GCNT1: variants seen among roughly 807,000 people sequenced by gnomAD.
The protein encoded by GCNT1 is beta-1,3-galactosyl-O-glycosyl-glycoprotein beta-1,6-N-acetylglucosaminyltransferase.
In GCNT1, 16 loss-of-function variants were observed where a neutral mutation model predicts 26.2. The ratio of observed to expected loss-of-function variants is 0.61; its 90% CI spans 0.41 to 0.93. The LOEUF (loss-of-function observed/expected upper bound fraction) is 0.93. Ranked by LOEUF, GCNT1 falls within the 40% of genes least tolerant of loss-of-function variation. The pLI, the probability that GCNT1 is intolerant of heterozygous loss-of-function variation, is 0.00. For synonymous variants in GCNT1, 183 were observed against 190.8 expected, an observed-to-expected ratio of 0.96 and a Z score of 0.34; for missense variants, 477 against 526.7, an observed-to-expected ratio of 0.91 and a Z score of 0.92.
chr9:76,439,275 A>G (rs1186640451), upstream of GCNT1, among the ~76,000 whole-genome samples: 2 of 126,252 alleles, frequency 1.6e-5, no homozygotes, highest in Non-Finnish European at 3.1e-5. Context: ...CCCAGGCTGG[A>G]GTGCAGTGGT....
In GCNT1 at chr9:76,505,236, C is replaced by T. The variant is rs1825206713; in HGVS notation, c.*1568C>T. ...GTTTTAAGGCATTCAACTGAGAAAA[C>T]TTTATTTGTCAAAGTCAGAAAACAT... is the stretch of plus-strand genomic sequence containing the variant. On this transcript the variant is annotated 3_prime_UTR_variant, in exon 4 of 4. Coordinates refer to ENST00000376730, the MANE Select transcript of GCNT1 (RefSeq NM_001490.5). The T allele has an allele frequency of 6.6e-6, 2 of 303,956 alleles. No individual in the cohort carries two copies. The highest frequency in any genetic ancestry group is 1.3e-5 in the Non-Finnish European group (2 of 157,742). 18.8% of individuals were successfully genotyped at this position (303,956 alleles called of 1,614,324 possible).
chr9:76,401,490 C>T, the GCNT1 span, among the ~76,000 whole-genome samples: 5 of 152,248 alleles, frequency 3.3e-5, no homozygotes, highest in East Asian at 9.6e-4. Flanking sequence ...AAATTTACTT[C>T]ATGTAGTACA....
At chr9:76,412,998 TTCTC>T in the GCNT1 span, among the ~76,000 whole-genome samples, 1 of 152,212 alleles carries the variant, frequency 6.6e-6, no homozygotes, top group Non-Finnish European at 1.5e-5. Flanking sequence ...GGGTTCCTCA[TTCTC>T]TCTCTTGCTC....
chr9:76,395,720 A>G, the GCNT1 span, among the ~76,000 whole-genome samples: 1 of 152,228 alleles, frequency 6.6e-6, no homozygotes, highest in Non-Finnish European at 1.5e-5. Flanking sequence ...TTACTTATCT[A>G]TACGGAATTA....
intron 2 of GCNT1, among the ~76,000 whole-genome samples, chr9:76,483,590 T>C (rs1469696493): frequency 1.3e-5 from 2 of 152,002 alleles, no homozygotes; most frequent in African/African-American, 4.8e-5. Flanking sequence ...AATTTTTAAA[T>C]TTTTCTTGTT....
At chr9:76,467,843 T>C (rs1326417266) in intron 2 of GCNT1, among the ~76,000 whole-genome samples, 3 of 151,898 alleles carry the variant, frequency 2.0e-5, no homozygotes, top group East Asian at 3.9e-4. Flanking sequence ...AGAACCTCTA[T>C]TTATAATTTT....
intron 1 of GCNT1, among the ~76,000 whole-genome samples, chr9:76,436,338 A>G (rs2131579087): frequency 6.6e-6 from 1 of 152,176 alleles, no homozygotes; most frequent in Middle Eastern, 3.4e-3. Context: ...AGAAAGTCAC[A>G]ATGCCTTGGG....
chr9:76,428,731 G>A (rs943742979), intron 1 of GCNT1, among the ~76,000 whole-genome samples: 6 of 128,768 alleles, frequency 4.7e-5, no homozygotes, highest in South Asian at 2.4e-4. Context: ...ACAGAGTTTC[G>A]CTCTTGTTGC....
the GCNT1 span, among the ~76,000 whole-genome samples, chr9:76,413,328 A>G: frequency 6.6e-6 from 1 of 152,190 alleles, no homozygotes; most frequent in Non-Finnish European, 1.5e-5. Flanking sequence ...CAGGTCAGAC[A>G]CTTAGACATC....
intron 2 of GCNT1, among the ~76,000 whole-genome samples, chr9:76,467,435 A>C (rs982669059): frequency 6.6e-6 from 1 of 151,646 alleles, no homozygotes; most frequent in Non-Finnish European, 1.5e-5. Flanking sequence ...ATGCAGGTTC[A>C]TGTTCCATGT....
rs187669158 is a variant in GCNT1 at position 76,479,215 on chromosome 9, C to T, written c.-290+19038C>T. 1.4e-3 allele frequency among the ~76,000 whole-genome samples: 209 copies of T among 152,316 alleles called. 1 individual carries two copies. Among genetic ancestry groups the T allele is most frequent in the African/African-American group, 4.9e-3 (205 of 41,568 alleles). ...TCCTTTTTTATGGCTGCATAGTAGTCTATGGTGTATATGTGCCACATTTCT... is the reference window on the plus strand; with the variant it reads ...TCCTTTTTTATGGCTGCATAGTAGTTTATGGTGTATATGTGCCACATTTCT... On this transcript the variant is annotated intron_variant, in intron 2 of 3. Coordinates refer to ENST00000376730, the MANE Select transcript of GCNT1 (RefSeq NM_001490.5).
chr9:76,493,339 G>A (rs540375200), intron 2 of GCNT1, among the ~76,000 whole-genome samples: 45 of 152,138 alleles, frequency 3.0e-4, no homozygotes, highest in African/African-American at 9.6e-4. Context: ...CCAAACTCTC[G>A]GGCTGCAGCT....
At chr9:76,441,046 CAAAG>C (rs1823477078), upstream of GCNT1, among the ~76,000 whole-genome samples, 1 of 137,434 alleles carries the variant, frequency 7.3e-6, no homozygotes, top group Non-Finnish European at 1.6e-5. Context: ...GCCTGGGCAA[CAAAG>C]AGAGACTCCA....
At chr9:76,491,141 C>T (rs943263781) in intron 2 of GCNT1, among the ~76,000 whole-genome samples, 1 of 151,632 alleles carries the variant, frequency 6.6e-6, no homozygotes, top group East Asian at 1.9e-4. Flanking sequence ...CTTTTTGACT[C>T]CCTCTTTGTC....
At chr9:76,458,546 C>G (rs1823800818), upstream of GCNT1, among the ~76,000 whole-genome samples, 1 of 152,068 alleles carries the variant, frequency 6.6e-6, no homozygotes, top group African/African-American at 2.4e-5. Context: ...AGCTAAAAAT[C>G]CAACGAAAGA....
At chr9:76,451,153 A>G (rs924690211) in intron 1 of GCNT1, among the ~76,000 whole-genome samples, 2 of 152,192 alleles carry the variant, frequency 1.3e-5, no homozygotes, top group Non-Finnish European at 2.9e-5. Context: ...GTTCTTTTCA[A>G]TGTAATTTGA....
chr9:76,493,252 C>T (rs1054957148), intron 2 of GCNT1, among the ~76,000 whole-genome samples: 2 of 152,142 alleles, frequency 1.3e-5, no homozygotes, highest in Non-Finnish European at 2.9e-5. Flanking sequence ...CAGGGGATGG[C>T]TTGCTGACCG....
intron 1 of GCNT1, among the ~76,000 whole-genome samples, chr9:76,453,689 G>A (rs535572158): frequency 1.3e-5 from 2 of 152,292 alleles, no homozygotes; most frequent in East Asian, 3.9e-4. Flanking sequence ...TCTCACAGGA[G>A]GGCCAAAGCA....
At chr9:76,397,643 CATGT>C in the GCNT1 span, among the ~76,000 whole-genome samples, 200 of 152,170 alleles carry the variant, frequency 1.3e-3, 1 homozygote, top group African/African-American at 4.7e-3. Flanking sequence ...AGGGTTTCAT[CATGT>C]TGGCCAGGCT....
Sources: gnomAD v4.1 joint callset for allele counts (sites outside exome capture counted in the v4.1 genomes callset) on GRCh38, gnomAD v4.1.1 for gene constraint, MANE v1.5 for transcripts, NCBI Gene and HGNC (gene_info 2026-07-23, HGNC 2026-07-21) for gene names.